Variants in ATP6V0A4 observed in about 807,000 individuals in gnomAD.
The protein encoded by ATP6V0A4 is ATPase H+ transporting V0 subunit a4, also known as V-type proton ATPase 116 kDa subunit a 4.
ATP6V0A4 carries 86 observed loss-of-function variants against 107.3 expected under a neutral mutation model. The observed-to-expected ratio is 0.80, with a 90% confidence interval of 0.67 to 0.96. The LOEUF (loss-of-function observed/expected upper bound fraction) is 0.96, where lower values mean the gene tolerates loss of function less well. Among genes scored for constraint, ATP6V0A4 ranks in the 40% least tolerant of loss-of-function variants. ATP6V0A4 has a pLI of 0.00. For synonymous variants in ATP6V0A4, 353 were observed against 381.4 expected, an observed-to-expected ratio of 0.93 and a Z score of 0.87; for missense variants, 908 against 1,045.6, an observed-to-expected ratio of 0.87 and a Z score of 1.81.
chr7:138,749,323 A>C lies in ATP6V0A4; in HGVS notation c.1030-6T>G. The C allele has an allele frequency of 1.6e-6, 1 of 634,974 alleles. No homozygotes were observed. Among genetic ancestry groups the C allele is most frequent in the Non-Finnish European group, 2.2e-6 (1 of 453,528 alleles). The allele number at this position is 634,974 out of a possible 1,614,324, so 39.3% of individuals were successfully genotyped here. A position where few individuals can be genotyped will look rare whatever the true frequency, so the allele number is the denominator to read the frequency against. ...ATGGAGGAGCCACTTAGTTCCTGGA[A>C]AAAAAAAAAAAAGCGACAAAGATGT... is the stretch of plus-strand genomic sequence containing the variant. On this transcript the variant is annotated splice_polypyrimidine_tract_variant and splice_region_variant and intron_variant, in intron 11 of 21. Coordinates refer to ENST00000310018, the MANE Select transcript of ATP6V0A4 (RefSeq NM_020632.3).
intron 8 of ATP6V0A4, among the ~76,000 whole-genome samples, chr7:138,757,877 A>T (rs1806588959): frequency 6.6e-6 from 1 of 152,208 alleles, no homozygotes; most frequent in South Asian, 2.1e-4. Context: ...TATCAAAATG[A>T]ATCCTGTCTT....
chr7:138,783,847 A>G (rs895973387), intron 2 of ATP6V0A4, among the ~76,000 whole-genome samples: 6 of 152,170 alleles, frequency 3.9e-5, no homozygotes, highest in African/African-American at 7.2e-5. Flanking sequence ...TCTGAGCTCA[A>G]TTTTTTTATG....
Position 138,771,497 on chromosome 7 carries a change from G to C in ATP6V0A4, c.-17-233C>G, listed in dbSNP as rs182094795. 2.6e-3 allele frequency among the ~76,000 whole-genome samples: 394 copies of C among 151,798 alleles called. 18 individuals are homozygous for C. The highest frequency in any genetic ancestry group is 0.026 in the Admixed American group (392 of 15,236). ...GCTTACTGCAGCCTCAACCTCCCAG[G>C]CTCAAGTAATCCACCCATCTCAGCC... On this transcript the variant is annotated intron_variant, in intron 2 of 21. Transcript: ENST00000310018.
intron 8 of ATP6V0A4, 90 bp downstream of exon 8, chr7:138,759,662 A>G: frequency 1.4e-6 from 2 of 1,391,272 alleles, no homozygotes; most frequent in African/African-American, 1.4e-5. Flanking sequence ...TCATCAAACT[A>G]AAGATCCCCC....
At chr7:138,789,607 G>A (rs1043263589) in intron 1 of ATP6V0A4, among the ~76,000 whole-genome samples, 2 of 151,816 alleles carry the variant, frequency 1.3e-5, no homozygotes, top group East Asian at 3.9e-4. Context: ...CCCAGGTAAT[G>A]GGACAGATAT....
At position 138,733,088 on chromosome 7, in the gene ATP6V0A4, A is replaced by G. The variant is rs753696784; in HGVS notation, c.1697T>C (p.Phe566Ser). 2 of 1,613,998 alleles carry G rather than the reference A, an allele frequency of 1.2e-6. No homozygotes were observed. The highest frequency in any genetic ancestry group is 1.7e-6 in the Non-Finnish European group (2 of 1,179,900). The change falls in exon 17 of 22, where the codon TTC becomes TCC. Residue 566 changes from phenylalanine to serine, a missense_variant. By Grantham distance (155) the Phe-to-Ser change is radical. Transcript: ENST00000310018. ...CAGAATGATGTTGAGAGTTCTTCTG[A>G]AGTATCTGGGGGTGGAAGACACACA... ...VILSLFNHIY[F>S]RRTLNIILQF... is the part of the protein sequence containing the mutation.
chr7:138,784,289 T>TACACACAC (rs537165545), intron 2 of ATP6V0A4, among the ~76,000 whole-genome samples: 1 of 43,802 alleles, frequency 2.3e-5, no homozygotes, highest in Non-Finnish European at 5.1e-5. Context: ...TACATATATA[T>TACACACAC]ACACACACAC....
intron 20 of ATP6V0A4, chr7:138,710,002 C>T (rs1156582756): frequency 5.8e-6 from 1 of 172,622 alleles, no homozygotes; most frequent in Non-Finnish European, 1.1e-5. Context: ...GCGTGAGCCA[C>T]CACATCCAGC....
intron 17 of ATP6V0A4, among the ~76,000 whole-genome samples, chr7:138,731,419 A>C (rs187466534): frequency 2.0e-5 from 3 of 152,328 alleles, no homozygotes; most frequent in Non-Finnish European, 4.4e-5. Context: ...GGCTTCATCC[A>C]GAGGAATCAG....
At chr7:138,717,806 G>T (rs1311428545) in intron 19 of ATP6V0A4, among the ~76,000 whole-genome samples, 3 of 151,142 alleles carry the variant, frequency 2.0e-5, no homozygotes, top group African/African-American at 7.3e-5. Context: ...TACTTGGGAG[G>T]CTGAGGCAGG....
At chr7:138,750,399 C>G (rs1161213781) in intron 11 of ATP6V0A4, among the ~76,000 whole-genome samples, 1 of 152,022 alleles carries the variant, frequency 6.6e-6, no homozygotes, top group Non-Finnish European at 1.5e-5. Flanking sequence ...TACAGCCATA[C>G]AGTGCTATGT....
intron 15 of ATP6V0A4, among the ~76,000 whole-genome samples, chr7:138,734,934 T>C (rs569849007): frequency 6.6e-6 from 1 of 152,168 alleles, no homozygotes; most frequent in Non-Finnish European, 1.5e-5. Flanking sequence ...TGAAAGTCTG[T>C]AGTGCTTCGC....
At position 138,707,192 on chromosome 7, in the gene ATP6V0A4, T is replaced by TAGA. The variant is rs1562972539; in HGVS notation, c.2430-476_2430-475insTCT. ...TATATATATTATATAATATATTATA[T>TAGA]ATATTATATAATATATTATATTATA... On this transcript the variant is annotated intron_variant, in intron 21 of 21. Coordinates refer to ENST00000310018, the MANE Select transcript of ATP6V0A4 (RefSeq NM_020632.3). 3.0e-5 allele frequency among the ~76,000 whole-genome samples: 2 copies of TAGA among 66,094 alleles called. 1 individual carries two copies. The highest frequency in any genetic ancestry group is 1.6e-4 in the African/African-American group (2 of 12,124). The allele number at this position is 66,094 out of a possible 152,430, so 43.4% of individuals were successfully genotyped here.
intron 8 of ATP6V0A4, among the ~76,000 whole-genome samples, chr7:138,757,238 G>A (rs1238962855): frequency 2.6e-5 from 4 of 152,142 alleles, no homozygotes; most frequent in Non-Finnish European, 5.9e-5. Context: ...AACCCAGACC[G>A]GGTGCAGTAG....
At chr7:138,789,063 G>A (rs1027070260) in intron 1 of ATP6V0A4, among the ~76,000 whole-genome samples, 11 of 152,124 alleles carry the variant, frequency 7.2e-5, no homozygotes, top group African/African-American at 1.9e-4. Flanking sequence ...ATTGTAATCC[G>A]ATGTTATATC....
chr7:138,780,435 C>G (rs1584948143), intron 2 of ATP6V0A4, among the ~76,000 whole-genome samples: 1 of 152,260 alleles, frequency 6.6e-6, no homozygotes, highest in Middle Eastern at 3.4e-3. Flanking sequence ...GGCCCAGTTC[C>G]TAACAGGCCA....
chr7:138,780,039 G>A (rs12154222), intron 2 of ATP6V0A4: 28,821 of 152,100 alleles, frequency 0.19, 3,189 homozygotes, highest in Middle Eastern at 0.26. Context: ...TTTACCTGGT[G>A]GAGTGACCCA....
intron 20 of ATP6V0A4, 64 bp from the exon 21 acceptor site, chr7:138,709,859 C>A: frequency 6.4e-7 from 1 of 1,557,274 alleles, no homozygotes. Context: ...ATTGTATTTT[C>A]TCATCTTTTT....
intron 21 of ATP6V0A4, among the ~76,000 whole-genome samples, chr7:138,707,460 A>G (rs934251530): frequency 4.2e-4 from 59 of 138,898 alleles, no homozygotes; most frequent in African/African-American, 1.6e-3. Context: ...GGAGTGCAAT[A>G]GTGCGATCTC....
Sources: gnomAD v4.1 joint callset for allele counts (sites outside exome capture counted in the v4.1 genomes callset) on GRCh38, gnomAD v4.1.1 for gene constraint, MANE v1.5 for transcripts, NCBI Gene and HGNC (gene_info 2026-07-23, HGNC 2026-07-21) for gene names.